Variants in MAGI2 observed in about 807,000 individuals in gnomAD.
MAGI2 encodes the protein membrane associated guanylate kinase, WW and PDZ domain containing 2.
MAGI2 carries 35 observed loss-of-function variants against 133.3 expected under a neutral mutation model. The observed-to-expected ratio is 0.26, with a 90% confidence interval of 0.20 to 0.35. The LOEUF is 0.35. Ranked by LOEUF, MAGI2 falls within the 10% of genes least tolerant of loss-of-function variation. The pLI is 1.00. For missense variants in MAGI2, 1,636 were observed against 1,863.4 expected (o/e 0.88, Z 2.25); for synonymous variants, 729 against 710.6 (o/e 1.03, Z -0.41).
At chr7:78,351,180 T>A (rs1415187751) in intron 7 of MAGI2, among the ~76,000 whole-genome samples, 1 of 152,018 alleles carries the variant, frequency 6.6e-6, no homozygotes, top group African/African-American at 2.4e-5. Flanking sequence ...AGAGGATATA[T>A]CTCACTGTTT....
At chr7:78,860,231 G>A (rs1315666053) in intron 2 of MAGI2, among the ~76,000 whole-genome samples, 1 of 152,146 alleles carries the variant, frequency 6.6e-6, no homozygotes, top group African/African-American at 2.4e-5. Context: ...ATCATCTGAA[G>A]CCTTCTTCTC....
Position 78,849,923 on chromosome 7 carries a change from T to C in MAGI2, c.418+157167A>G, listed in dbSNP as rs139076797. On this transcript the variant is annotated intron_variant, in intron 2 of 21. Coordinates refer to ENST00000354212, the MANE Select transcript of MAGI2 (RefSeq NM_012301.4). ...TATATAAAAATTCAGCACTAAATACTTCATCTTGACTTACTCTTAAACTAT... is the reference window on the plus strand; with the variant it reads ...TATATAAAAATTCAGCACTAAATACCTCATCTTGACTTACTCTTAAACTAT... 6.7e-3 allele frequency among the ~76,000 whole-genome samples: 1,023 copies of C among 152,166 alleles called. 15 individuals are homozygous for C. The highest frequency in any genetic ancestry group is 0.023 in the African/African-American group (962 of 41,548).
chr7:78,718,970 T>C (rs1182101874), intron 2 of MAGI2, among the ~76,000 whole-genome samples: 1 of 152,148 alleles, frequency 6.6e-6, no homozygotes, highest in Non-Finnish European at 1.5e-5. Flanking sequence ...ACATCACCAT[T>C]TGGAAAAGTG....
At chr7:78,326,828 C>T (rs943391825) in intron 9 of MAGI2, among the ~76,000 whole-genome samples, 16 of 152,188 alleles carry the variant, frequency 1.1e-4, no homozygotes, top group Admixed American at 1.3e-4. Flanking sequence ...CTTCCTCCTC[C>T]GTGGAGAGGT....
intron 2 of MAGI2, among the ~76,000 whole-genome samples, chr7:78,892,812 G>A (rs1244263907): frequency 6.6e-6 from 1 of 152,096 alleles, no homozygotes; most frequent in Non-Finnish European, 1.5e-5. Flanking sequence ...TCAGGACATA[G>A]GCATGGGCAA....
chr7:79,222,667 T>A (rs572288275), intron 1 of MAGI2, among the ~76,000 whole-genome samples: 1 of 152,016 alleles, frequency 6.6e-6, no homozygotes, highest in Non-Finnish European at 1.5e-5. Flanking sequence ...GGTAAAAACA[T>A]AAAATAATAT....
At chr7:78,552,914 C>T (rs563338785) in intron 3 of MAGI2, among the ~76,000 whole-genome samples, 7 of 151,448 alleles carry the variant, frequency 4.6e-5, no homozygotes, top group South Asian at 2.1e-4. Context: ...GGTGGTAGAA[C>T]GAGAACAAAT....
chr7:78,194,797 C>A, intron 12 of MAGI2, 77 bp downstream of exon 12: 1 of 1,203,496 alleles, frequency 8.3e-7, no homozygotes, highest in Non-Finnish European at 1.1e-6. Flanking sequence ...CATGCCAGAT[C>A]ATTCAGCCTC....
chr7:78,694,721 C>A (rs1563365402), intron 2 of MAGI2, among the ~76,000 whole-genome samples: 1 of 152,162 alleles, frequency 6.6e-6, no homozygotes, highest in Non-Finnish European at 1.5e-5. Flanking sequence ...ACTAACTGTG[C>A]AACTTTGAGA....
In MAGI2 at chr7:78,885,763, G is replaced by T. The variant is rs534162089; in HGVS notation, c.418+121327C>A. Among the ~76,000 whole-genome samples, 8 of 152,030 alleles carry T rather than the reference G, an allele frequency of 5.3e-5. No homozygotes were observed. In the South Asian group the frequency reaches 1.7e-3, roughly 32 times the overall value. ...AAAACCAGCTACTTTTTCTCTCATA[G>T]ATGTGGAGTAAAACTAATTTAAATC... is the stretch of plus-strand genomic sequence containing the variant. On this transcript the variant is annotated intron_variant, in intron 2 of 21. Coordinates refer to ENST00000354212, the MANE Select transcript of MAGI2 (RefSeq NM_012301.4).
intron 2 of MAGI2, among the ~76,000 whole-genome samples, chr7:78,705,541 A>C (rs539184967): frequency 2.6e-5 from 4 of 152,168 alleles, no homozygotes; most frequent in African/African-American, 9.6e-5. Flanking sequence ...CTCCTTATTA[A>C]ATGTATATAA....
intron 16 of MAGI2, among the ~76,000 whole-genome samples, chr7:78,135,672 A>C (rs547190036): frequency 1.1e-4 from 16 of 152,322 alleles, no homozygotes; most frequent in African/African-American, 3.6e-4. Context: ...AGCTACAATA[A>C]ATGCCAGAAA....
intron 20 of MAGI2, among the ~76,000 whole-genome samples, chr7:78,116,591 C>A (rs1022602980): frequency 6.6e-6 from 1 of 152,068 alleles, no homozygotes; most frequent in Admixed American, 6.6e-5. Flanking sequence ...TTAAAAATAG[C>A]AGGCAGGTGA....
intron 2 of MAGI2, among the ~76,000 whole-genome samples, chr7:78,634,139 A>C (rs573957915): frequency 1.3e-5 from 2 of 152,332 alleles, no homozygotes; most frequent in South Asian, 4.1e-4. Flanking sequence ...TTGAGTATGA[A>C]AAAAACATGA....
At chr7:78,878,412 G>A (rs1051834736) in intron 2 of MAGI2, among the ~76,000 whole-genome samples, 1 of 152,188 alleles carries the variant, frequency 6.6e-6, no homozygotes, top group African/African-American at 2.4e-5. Context: ...AGATGCTATA[G>A]ATGACATTAT....
chr7:79,043,939 C>T (rs961030724), intron 1 of MAGI2, among the ~76,000 whole-genome samples: 1 of 152,042 alleles, frequency 6.6e-6, no homozygotes, highest in Non-Finnish European at 1.5e-5. Flanking sequence ...TAATAAAAAG[C>T]TTCCCAACCA....
chr7:78,085,792 A>T (rs1305969668), intron 20 of MAGI2, among the ~76,000 whole-genome samples: 1 of 152,198 alleles, frequency 6.6e-6, no homozygotes, highest in East Asian at 1.9e-4. Flanking sequence ...GATTCTGAGA[A>T]TTCACCACTT....
chr7:78,457,778 A>T (rs1350924986), intron 6 of MAGI2, among the ~76,000 whole-genome samples: 3 of 152,176 alleles, frequency 2.0e-5, no homozygotes, highest in Non-Finnish European at 2.9e-5. Context: ...CAATGATGTA[A>T]ATTGTCCCAG....
chr7:78,047,422 A>G (rs922849922), intron 21 of MAGI2, among the ~76,000 whole-genome samples: 1 of 152,094 alleles, frequency 6.6e-6, no homozygotes, highest in Admixed American at 6.5e-5. Context: ...AAGGCCGCCG[A>G]GCCTTCTTGG....
Sources: gnomAD v4.1 joint callset for allele counts (sites outside exome capture counted in the v4.1 genomes callset) on GRCh38, gnomAD v4.1.1 for gene constraint, MANE v1.5 for transcripts, NCBI Gene and HGNC (gene_info 2026-07-23, HGNC 2026-07-21) for gene names.